GABRB1: variants seen among roughly 807,000 people sequenced by gnomAD.
The protein encoded by GABRB1 is gamma-aminobutyric acid type A receptor subunit beta1, also known as gamma-aminobutyric acid receptor subunit beta-1.
In GABRB1, 17 loss-of-function variants were observed where a neutral mutation model predicts 51.6. That is an observed-to-expected ratio of 0.33 (90% CI 0.23 to 0.49). The LOEUF is 0.49. GABRB1 is among the 20% of genes least tolerant of loss of function. The pLI is 0.99. For synonymous variants in GABRB1, 247 were observed against 218.9 expected (o/e 1.13, Z -1.14); for missense variants, 410 against 600.6 (o/e 0.68, Z 3.32).
intron 3 of GABRB1, among the ~76,000 whole-genome samples, chr4:47,160,320 T>C (rs1410713076): frequency 1.3e-5 from 2 of 152,166 alleles, no homozygotes; most frequent in African/African-American, 4.8e-5. Flanking sequence ...TGTTGAATAG[T>C]GCCACCACTG....
At chr4:47,375,266 TGAA>T (rs1727339086) in intron 5 of GABRB1, among the ~76,000 whole-genome samples, 3 of 152,328 alleles carry the variant, frequency 2.0e-5, no homozygotes, top group Admixed American at 6.5e-5. Flanking sequence ...CTAATAGATG[TGAA>T]GAAGACAGAT....
At chr4:47,370,524 G>A (rs1301028996) in intron 5 of GABRB1, among the ~76,000 whole-genome samples, 1 of 151,986 alleles carries the variant, frequency 6.6e-6, no homozygotes, top group Non-Finnish European at 1.5e-5. Flanking sequence ...AAAAGTCGTG[G>A]GAGGCTTTAG....
chr4:47,364,688 T>C (rs770778259), intron 5 of GABRB1, among the ~76,000 whole-genome samples: 1 of 150,768 alleles, frequency 6.6e-6, no homozygotes, highest in Non-Finnish European at 1.5e-5. Context: ...ATAAAAAACA[T>C]AAAGGGCTAG....
At chr4:47,083,648 T>A (rs1727946359) in intron 3 of GABRB1, among the ~76,000 whole-genome samples, 1 of 152,136 alleles carries the variant, frequency 6.6e-6, no homozygotes, top group Admixed American at 6.6e-5. Flanking sequence ...TTGCTAAGCA[T>A]CCATCCCCAT....
intron 4 of GABRB1, among the ~76,000 whole-genome samples, chr4:47,243,850 C>A (rs1721634568): frequency 6.6e-6 from 1 of 152,192 alleles, no homozygotes; most frequent in Non-Finnish European, 1.5e-5. Context: ...TTGACTTCCT[C>A]TTTTCCTAAT....
chr4:47,186,512 T>C (rs1480086949), intron 4 of GABRB1, among the ~76,000 whole-genome samples: 3 of 151,844 alleles, frequency 2.0e-5, no homozygotes, highest in Non-Finnish European at 4.4e-5. Context: ...GTATCTAATG[T>C]CTAGTAACAA....
chr4:47,270,369 G>C (rs1457176050), intron 4 of GABRB1, among the ~76,000 whole-genome samples: 2 of 152,104 alleles, frequency 1.3e-5, no homozygotes, highest in African/African-American at 4.8e-5. Context: ...GTTTCTGCAG[G>C]AGCCTAAATT....
At chr4:47,291,815 T>C (rs1279596754) in intron 4 of GABRB1, among the ~76,000 whole-genome samples, 1 of 152,202 alleles carries the variant, frequency 6.6e-6, no homozygotes, top group South Asian at 2.1e-4. Flanking sequence ...ATTTATCCAA[T>C]GCCTGTACCC....
intron 3 of GABRB1, among the ~76,000 whole-genome samples, chr4:47,137,448 G>T (rs1000984460): frequency 9.9e-5 from 15 of 152,068 alleles, no homozygotes; most frequent in African/African-American, 3.6e-4. Context: ...TTGCCAAATG[G>T]AAGAGAATGC....
intron 3 of GABRB1, among the ~76,000 whole-genome samples, chr4:47,146,002 A>C (rs1376839534): frequency 6.6e-6 from 1 of 151,766 alleles, no homozygotes; most frequent in Non-Finnish European, 1.5e-5. Context: ...AGTCTCTCCC[A>C]CCTTCAGGAT....
At chr4:47,273,612 G>T (rs1464386072) in intron 4 of GABRB1, among the ~76,000 whole-genome samples, 2 of 151,994 alleles carry the variant, frequency 1.3e-5, no homozygotes, top group Non-Finnish European at 2.9e-5. Context: ...ACTTAGGCTG[G>T]TCATGGGCTG....
chr4:47,099,094 T>A (rs562890649), intron 3 of GABRB1, among the ~76,000 whole-genome samples: 3 of 152,068 alleles, frequency 2.0e-5, no homozygotes, highest in Admixed American at 1.3e-4. Flanking sequence ...AGCAAGATTG[T>A]GAAGATACAT....
intron 3 of GABRB1, among the ~76,000 whole-genome samples, chr4:47,136,221 G>T (rs1386792590): frequency 6.6e-6 from 1 of 152,062 alleles, no homozygotes; most frequent in Non-Finnish European, 1.5e-5. Context: ...TGAACTCCTG[G>T]CTTCAAGTGA....
chr4:47,117,948 T>C (rs1159108021), intron 3 of GABRB1, among the ~76,000 whole-genome samples: 1 of 152,218 alleles, frequency 6.6e-6, no homozygotes, highest in African/African-American at 2.4e-5. Context: ...TAAGTATTTA[T>C]TTCCCTTTCT....
At chr4:47,054,054 T>A (rs938829970) in intron 3 of GABRB1, among the ~76,000 whole-genome samples, 12 of 151,224 alleles carry the variant, frequency 7.9e-5, no homozygotes, top group Middle Eastern at 3.2e-3. Context: ...ATTGACTTTT[T>A]TAAAAAAAAA....
intron 4 of GABRB1, among the ~76,000 whole-genome samples, chr4:47,177,701 T>C (rs1025655727): frequency 4.6e-5 from 7 of 152,116 alleles, no homozygotes; most frequent in Non-Finnish European, 1.5e-5. Flanking sequence ...TAGAATGACC[T>C]AAAACTGACT....
chr4:47,044,920 T>A (rs1323795060), intron 3 of GABRB1, among the ~76,000 whole-genome samples: 2 of 152,056 alleles, frequency 1.3e-5, no homozygotes, highest in Non-Finnish European at 2.9e-5. Context: ...CAGAACCACG[T>A]TACCACTCAA....
In GABRB1 at chr4:47,010,667, C is replaced by T. The variant is rs541109112; in HGVS notation, c.-20+16741C>T. Among the ~76,000 whole-genome samples the T allele has an allele frequency of 7.9e-5, 12 of 152,262 alleles. No individual in the cohort carries two copies. In the South Asian group the frequency reaches 1.4e-3, roughly 18 times the overall value. ...TATATTCTTATTATGTAGCAAAGTT[C>T]CTGAATCTTCCTCCCCAAAGCTGGA... On this transcript the variant is annotated intron_variant, in intron 1 of 3. Coordinates refer to the GABRB1 transcript ENST00000513567.
intron 8 of GABRB1, among the ~76,000 whole-genome samples, chr4:47,418,475 C>T (rs947135724): frequency 5.9e-5 from 9 of 152,142 alleles, no homozygotes; most frequent in Non-Finnish European, 5.9e-5. Flanking sequence ...CCCACATTAT[C>T]GAGGGTAATC....
Sources: gnomAD v4.1 joint callset for allele counts (sites outside exome capture counted in the v4.1 genomes callset) on GRCh38, gnomAD v4.1.1 for gene constraint, MANE v1.5 for transcripts, NCBI Gene and HGNC (gene_info 2026-07-23, HGNC 2026-07-21) for gene names.